The following ADAM19 variants were observed in gnomAD, a reference collection of about 807,000 sequenced individuals.
ADAM19 encodes ADAM metallopeptidase domain 19.
Under a neutral mutation model 114.7 loss-of-function variants are expected in ADAM19, and 65 were observed. That is an observed-to-expected ratio of 0.57 (90% CI 0.46 to 0.70). The LOEUF (loss-of-function observed/expected upper bound fraction) is 0.70, where lower values mean the gene tolerates loss of function less well. ADAM19 is among the 30% of genes least tolerant of loss of function. The pLI is 0.00. For synonymous variants in ADAM19, 466 were observed against 460.5 expected (o/e 1.01, Z -0.15); for missense variants, 1,063 against 1,204.7 (o/e 0.88, Z 1.74).
chr5:157,497,022 C>T lies in ADAM19; in HGVS notation c.1466G>A (p.Gly489Asp). 6.3e-7 allele frequency: 1 copy of T among 1,588,802 alleles called. No individual in the cohort carries two copies. Among genetic ancestry groups the T allele is most frequent in the Non-Finnish European group, 8.6e-7 (1 of 1,169,580 alleles). ...RQCDLPEFCT[G>D]KSPHCPTNFY... The stretch of plus-strand genomic sequence containing the variant: ...GTTGGTAGGGCAGTGGGGAGACTTG[C>T]CCGTACAGAACTCCGGGAGGTCACA... Residue 489 changes from glycine to aspartate, a missense_variant, in exon 14 of 23, where the codon GGC becomes GAC. Coordinates refer to ENST00000257527, the MANE Select transcript of ADAM19 (RefSeq NM_033274.5).
At chr5:157,563,835 T>A (rs1361831965) in intron 3 of ADAM19, among the ~76,000 whole-genome samples, 1 of 152,116 alleles carries the variant, frequency 6.6e-6, no homozygotes, top group African/African-American at 2.4e-5. Flanking sequence ...CCAAGATGAA[T>A]GAGGTTAAGA....
intron 3 of ADAM19, among the ~76,000 whole-genome samples, chr5:157,546,837 A>T (rs914178016): frequency 2.6e-5 from 4 of 152,200 alleles, no homozygotes; most frequent in African/African-American, 9.6e-5. Flanking sequence ...GAAGTCATAA[A>T]GACCCCATTT....
Position 157,539,779 on chromosome 5 carries a change from T to A in ADAM19, c.252-1788A>T, listed in dbSNP as rs1264084539. ...AGATTTGAGGGAGGAGTCACCCATT[T>A]GCCTGAGGGAGAAAAGCTGTAAGCC... On this transcript the variant is annotated intron_variant, in intron 3 of 22. Coordinates refer to ENST00000257527, the MANE Select transcript of ADAM19 (RefSeq NM_033274.5). Among the ~76,000 whole-genome samples, 4 of 152,338 alleles carry A rather than the reference T, an allele frequency of 2.6e-5. No homozygotes were observed. In the East Asian group the frequency reaches 7.7e-4, roughly 29 times the overall value.
chr5:157,488,805 G>T (rs1755047223), intron 20 of ADAM19, among the ~76,000 whole-genome samples: 1 of 152,210 alleles, frequency 6.6e-6, no homozygotes. Flanking sequence ...GCCGAGGCGG[G>T]TGGATCACGA....
chr5:157,573,897 C>T (rs951040197), intron 1 of ADAM19, among the ~76,000 whole-genome samples: 20 of 152,200 alleles, frequency 1.3e-4, no homozygotes, highest in South Asian at 4.1e-4. Flanking sequence ...TTGTATCACC[C>T]CTTTCTAATG....
At chr5:157,508,409 G>A (rs2113724451) in intron 9 of ADAM19, among the ~76,000 whole-genome samples, 1 of 152,312 alleles carries the variant, frequency 6.6e-6, no homozygotes, top group South Asian at 2.1e-4. Context: ...AGGAGTTCAA[G>A]ACCAGCTTGG....
At chr5:157,492,654 G>A (rs147137231) in intron 16 of ADAM19, among the ~76,000 whole-genome samples, 1 of 152,322 alleles carries the variant, frequency 6.6e-6, no homozygotes, top group African/African-American at 2.4e-5. Flanking sequence ...CGACTCTGGA[G>A]GATAGAGTCT....
At chr5:157,516,279 T>A (rs1158444700) in intron 7 of ADAM19, among the ~76,000 whole-genome samples, 1 of 152,046 alleles carries the variant, frequency 6.6e-6, no homozygotes, top group Non-Finnish European at 1.5e-5. Flanking sequence ...ATGAGCACGT[T>A]CCCTTATCCA....
intron 3 of ADAM19, among the ~76,000 whole-genome samples, chr5:157,543,231 G>A (rs771220143): frequency 6.6e-6 from 1 of 152,136 alleles, no homozygotes; most frequent in Non-Finnish European, 1.5e-5. Flanking sequence ...ATAAAACTTC[G>A]AGAAGTGCTC....
At position 157,477,765 on chromosome 5, in the gene ADAM19, G is replaced by C. The variant is rs572630666; in HGVS notation, c.*3184C>G. 187 of 1,276,196 alleles carry C rather than the reference G, an allele frequency of 1.5e-4. 1 individual carries two copies. The African/African-American group carries it at 2.6e-3, about 18-fold the overall frequency. 79.1% of individuals were successfully genotyped at this position (1,276,196 alleles called of 1,614,324 possible). ...CAAATAAGAATAAATTAGGAAGTAGGCAGGGAGAGACTTCCAATAAAGATT... is the reference window on the plus strand; with the variant it reads ...CAAATAAGAATAAATTAGGAAGTAGCCAGGGAGAGACTTCCAATAAAGATT... On this transcript the variant is annotated 3_prime_UTR_variant, in exon 23 of 23. Coordinates refer to ENST00000257527, the MANE Select transcript of ADAM19 (RefSeq NM_033274.5).
intron 2 of ADAM19, among the ~76,000 whole-genome samples, chr5:157,565,473 CT>C (rs1757632094): frequency 6.6e-6 from 1 of 152,160 alleles, no homozygotes; most frequent in African/African-American, 2.4e-5. Flanking sequence ...AATCCCAGCA[CT>C]TTGGGAGGCC....
At position 157,570,952 on chromosome 5, in the gene ADAM19, C is replaced by A; in HGVS notation, c.123G>T (p.Leu41=). Residue 41 remains leucine (L), a synonymous_variant, in exon 2 of 23, where the codon CTG becomes CTT. Coordinates refer to ENST00000257527, the MANE Select transcript of ADAM19 (RefSeq NM_033274.5). ...TRGSEEGSPK[L]QHELIIPQWK... is the part of the protein sequence containing the mutation. ...ACTGAGGTATGATAAGTTCATGCTG[C>A]AGCTTGGGGCTGCCTTCCTCACTTC... The A allele has an allele frequency of 1.9e-6, 3 of 1,614,160 alleles. No individual in the cohort carries two copies. Among genetic ancestry groups the A allele is most frequent in the Non-Finnish European group, 2.5e-6 (3 of 1,180,010 alleles).
intron 8 of ADAM19, 89 bp from the exon 9 acceptor site, chr5:157,509,556 A>C: frequency 1.9e-6 from 2 of 1,047,590 alleles, no homozygotes; most frequent in Non-Finnish European, 2.5e-6. Flanking sequence ...GCTTGAGATT[A>C]AAAAGAAAAA....
At chr5:157,484,546 A>G (rs975419602) in intron 21 of ADAM19, among the ~76,000 whole-genome samples, 2 of 152,134 alleles carry the variant, frequency 1.3e-5, no homozygotes, top group Non-Finnish European at 2.9e-5. Flanking sequence ...GGTCACTACC[A>G]CGTATTAAAG....
intron 3 of ADAM19, among the ~76,000 whole-genome samples, chr5:157,545,161 C>G (rs549702927): frequency 6.6e-6 from 1 of 152,172 alleles, no homozygotes; most frequent in South Asian, 2.1e-4. Context: ...TCTTAGCATA[C>G]TAAGACACAG....
Position 157,478,638 on chromosome 5 carries a change from C to G in ADAM19, c.*2311G>C. 7 of 985,846 alleles carry G rather than the reference C, an allele frequency of 7.1e-6. No homozygotes were observed. Among genetic ancestry groups the G allele is most frequent in the Non-Finnish European group, 8.4e-6 (7 of 829,944 alleles). 61.1% of individuals were successfully genotyped at this position (985,846 alleles called of 1,614,324 possible). ...CCAGTCTTCCTCCTGGGCAGCCTCC[C>G]TGAACAGAGCCAGGAGTGAAGCATT... is the stretch of plus-strand genomic sequence containing the variant. On this transcript the variant is annotated 3_prime_UTR_variant, in exon 23 of 23. Transcript: ENST00000257527.
chr5:157,536,643 C>A (rs1214086832), intron 4 of ADAM19, among the ~76,000 whole-genome samples: 2 of 152,084 alleles, frequency 1.3e-5, no homozygotes, highest in East Asian at 1.9e-4. Flanking sequence ...CACACACACA[C>A]AAAATTACCT....
chr5:157,480,863 A>G lies in ADAM19; in HGVS notation c.*86T>C. 6.2e-7 allele frequency: 1 copy of G among 1,600,718 alleles called. No individual in the cohort carries two copies. Among genetic ancestry groups the G allele is most frequent in the Non-Finnish European group, 8.5e-7 (1 of 1,174,336 alleles). ...GGGTGGGAGGAGCTCAGAGGCGGCC[A>G]GACATGCTTCTTCAGGGTTCCATGG... On this transcript the variant is annotated 3_prime_UTR_variant, in exon 23 of 23. Coordinates refer to ENST00000257527, the MANE Select transcript of ADAM19 (RefSeq NM_033274.5).
chr5:157,526,157 TAC>T (rs1000257267), intron 5 of ADAM19, among the ~76,000 whole-genome samples: 4 of 135,754 alleles, frequency 2.9e-5, no homozygotes, highest in Non-Finnish European at 6.1e-5. Flanking sequence ...TGTTCATATA[TAC>T]ATATATATAT....
Sources: gnomAD v4.1 joint callset for allele counts (sites outside exome capture counted in the v4.1 genomes callset) on GRCh38, gnomAD v4.1.1 for gene constraint, MANE v1.5 for transcripts, NCBI Gene and HGNC (gene_info 2026-07-23, HGNC 2026-07-21) for gene names.